Variants in RERE observed in about 807,000 individuals in gnomAD.
The protein encoded by RERE is arginine-glutamic acid dipeptide repeats protein.
In RERE, 40 loss-of-function variants were observed where a neutral mutation model predicts 146.1. The ratio of observed to expected loss-of-function variants is 0.27; its 90% CI spans 0.21 to 0.36. The LOEUF is 0.36. Among genes scored for constraint, RERE ranks in the 10% least tolerant of loss-of-function variants. RERE has a pLI of 1.00. For missense variants in RERE, 1,933 were observed against 2,138.7 expected, an observed-to-expected ratio of 0.90 and a Z score of 1.90; for synonymous variants, 1,003 against 866.0, an observed-to-expected ratio of 1.16 and a Z score of -2.78.
intron 7 of RERE, among the ~76,000 whole-genome samples, chr1:8,521,527 A>G (rs985742750): frequency 2.6e-5 from 4 of 152,346 alleles, no homozygotes; most frequent in East Asian, 1.9e-4. Flanking sequence ...TGAGATAATC[A>G]TATCTACATG....
At position 8,401,031 on chromosome 1, in the gene RERE, A is replaced by C. The variant is rs1309302764; in HGVS notation, c.1284+21696T>G. Among the ~76,000 whole-genome samples the C allele has an allele frequency of 4.9e-3, 343 of 69,908 alleles. 5 individuals are homozygous for C. The highest frequency in any genetic ancestry group is 0.017 in the African/African-American group (327 of 18,844). 45.9% of individuals were successfully genotyped at this position (69,908 alleles called of 152,430 possible). ...AGACTCTGTCTCAAAAAAAAAAAAA[A>C]AAAAACCATATATATATATATATAT... On this transcript the variant is annotated intron_variant, in intron 12 of 22. Transcript: ENST00000400908.
chr1:8,404,236 T>C (rs1643370016), intron 12 of RERE, among the ~76,000 whole-genome samples: 1 of 151,958 alleles, frequency 6.6e-6, no homozygotes, highest in African/African-American at 2.4e-5. Flanking sequence ...GAGACCACGG[T>C]GAAACCCCGT....
At chr1:8,714,994 C>T (rs1355969185) in intron 1 of RERE, among the ~76,000 whole-genome samples, 2 of 151,878 alleles carry the variant, frequency 1.3e-5, no homozygotes, top group Non-Finnish European at 2.9e-5. Flanking sequence ...CTGCCTCAGC[C>T]TCCCGAATAG....
At chr1:8,699,481 T>C (rs994965808) in intron 1 of RERE, among the ~76,000 whole-genome samples, 3 of 152,238 alleles carry the variant, frequency 2.0e-5, no homozygotes, top group Non-Finnish European at 4.4e-5. Flanking sequence ...TATTTAAGTA[T>C]GTCAACTATT....
At chr1:8,640,083 G>A (rs1160457625) in intron 2 of RERE, among the ~76,000 whole-genome samples, 1 of 152,076 alleles carries the variant, frequency 6.6e-6, no homozygotes, top group Non-Finnish European at 1.5e-5. Context: ...GAGCCTGGGA[G>A]GTGGAGGGTA....
chr1:8,642,724 C>T (rs1647196313), intron 2 of RERE, among the ~76,000 whole-genome samples: 1 of 152,154 alleles, frequency 6.6e-6, no homozygotes, highest in Non-Finnish European at 1.5e-5. Context: ...GCAACTTTAA[C>T]AAATTGAATA....
intron 2 of RERE, among the ~76,000 whole-genome samples, chr1:8,640,148 C>T (rs563845785): frequency 2.4e-5 from 3 of 124,456 alleles, no homozygotes; most frequent in Middle Eastern, 3.6e-3. Context: ...GAGTAAGACC[C>T]TGTCTCAGAA....
At chr1:8,504,304 T>C (rs1645220007) in intron 8 of RERE, among the ~76,000 whole-genome samples, 1 of 152,090 alleles carries the variant, frequency 6.6e-6, no homozygotes. Flanking sequence ...GAAAAACGAT[T>C]AAGTGAAAAG....
chr1:8,358,487 G>C lies in RERE; in HGVS notation c.4048C>G (p.His1350Asp). The change falls in exon 20 of 23, where the codon CAC becomes GAC. Residue 1350 changes from histidine to aspartate, a missense_variant. Transcript: ENST00000400908. ...GTCGGGGGGATGGTGAGGGCGCTGTGCCGGGCAAAGTGCTCCATGGGGTTG... is the reference window on the plus strand; with the variant it reads ...GTCGGGGGGATGGTGAGGGCGCTGTCCCGGGCAAAGTGCTCCATGGGGTTG... Reference protein sequence around the residue: ...AANPMEHFARHSALTIPPTAG... With the variant: ...AANPMEHFARDSALTIPPTAG... 6.3e-7 allele frequency: 1 copy of C among 1,587,540 alleles called. No individual in the cohort carries two copies. The highest frequency in any genetic ancestry group is 1.3e-5 in the African/African-American group (1 of 74,564).
chr1:8,358,193 C>T lies in RERE; in HGVS notation c.4339+3G>A, dbSNP rs370168149. 16 of 1,587,070 alleles carry T rather than the reference C, an allele frequency of 1.0e-5. No individual in the cohort carries two copies. The African/African-American group carries it at 1.2e-4, about 12-fold the overall frequency. ...GTCCCACCTGCCACGCTGGGGCACG[C>T]ACCTTGGTGGAGGGGGTCCTGCTGG... is the stretch of plus-strand genomic sequence containing the variant. On this transcript the variant is annotated splice_donor_region_variant and intron_variant, in intron 20 of 22. Transcript: ENST00000400908.
intron 11 of RERE, among the ~76,000 whole-genome samples, chr1:8,429,239 GA>G (rs1303748667): frequency 1.3e-5 from 2 of 152,108 alleles, no homozygotes; most frequent in Admixed American, 1.3e-4. Context: ...CTAAATCCTT[GA>G]ACCAGGCTGG....
intron 1 of RERE, among the ~76,000 whole-genome samples, chr1:8,748,719 T>G (rs970181111): frequency 6.6e-6 from 1 of 152,178 alleles, no homozygotes; most frequent in South Asian, 2.1e-4. Context: ...ATTGCTCAAT[T>G]TCTCCTTTTG....
chr1:8,606,731 T>TA (rs1295686888), intron 4 of RERE, among the ~76,000 whole-genome samples: 1 of 152,128 alleles, frequency 6.6e-6, no homozygotes, highest in African/African-American at 2.4e-5. Context: ...TACTAGTTCC[T>TA]AAAAAAGAAC....
chr1:8,765,102 G>C (rs1408507099), intron 1 of RERE, among the ~76,000 whole-genome samples: 3 of 152,192 alleles, frequency 2.0e-5, no homozygotes, highest in Non-Finnish European at 4.4e-5. Context: ...ACCATTCAAA[G>C]TGTCCATCAA....
At chr1:8,724,568 C>T (rs924307229) in intron 1 of RERE, among the ~76,000 whole-genome samples, 4 of 152,032 alleles carry the variant, frequency 2.6e-5, no homozygotes, top group South Asian at 2.1e-4. Context: ...ACCTTCTGGC[C>T]GGGCGCGGTG....
intron 3 of RERE, among the ~76,000 whole-genome samples, chr1:8,623,998 T>C (rs1176129191): frequency 6.6e-6 from 1 of 152,238 alleles, no homozygotes; most frequent in Non-Finnish European, 1.5e-5. Flanking sequence ...CTTCAGGCTC[T>C]TAACAATGGC....
chr1:8,520,228 C>T (rs938410518), intron 7 of RERE, among the ~76,000 whole-genome samples: 2 of 152,038 alleles, frequency 1.3e-5, no homozygotes, highest in East Asian at 3.8e-4. Context: ...TCCTGAGAGG[C>T]CATTGATCCA....
intron 1 of RERE, among the ~76,000 whole-genome samples, chr1:8,688,303 T>C (rs1639134666): frequency 2.0e-5 from 3 of 152,066 alleles, no homozygotes; most frequent in African/African-American, 4.8e-5. Flanking sequence ...TGGTGGCTCA[T>C]GCCTGTAATC....
At chr1:8,365,104 C>T (rs575190401) in intron 13 of RERE, among the ~76,000 whole-genome samples, 5 of 152,356 alleles carry the variant, frequency 3.3e-5, no homozygotes, top group South Asian at 4.1e-4. Flanking sequence ...CACTGATGCC[C>T]GTAACGGGTG....
Sources: allele counts gnomAD v4.1 joint callset (sites outside exome capture counted in the v4.1 genomes callset), GRCh38; gene constraint gnomAD v4.1.1; transcripts MANE v1.5; gene names NCBI Gene and HGNC (gene_info 2026-07-23, HGNC 2026-07-21).